The following VPS13D variants were observed in gnomAD, a reference collection of about 807,000 sequenced individuals.
VPS13D encodes vacuolar protein sorting 13 homolog D, also known as intermembrane lipid transfer protein VPS13D.
VPS13D carries 187 observed loss-of-function variants against 461.9 expected under a neutral mutation model. That is an observed-to-expected ratio of 0.40 (90% CI 0.36 to 0.46). The LOEUF (loss-of-function observed/expected upper bound fraction) is 0.46, where lower values mean the gene tolerates loss of function less well. Among genes scored for constraint, VPS13D ranks in the 20% least tolerant of loss-of-function variants. The probability of loss-of-function intolerance (pLI) is 0.60; values close to 1 mark genes in which losing one functional copy is unlikely to be tolerated. For missense variants in VPS13D, 4,711 were observed against 5,364.9 expected, an observed-to-expected ratio of 0.88 and a Z score of 3.81; for synonymous variants, 1,951 against 1,986.3, an observed-to-expected ratio of 0.98 and a Z score of 0.47.
chr1:12,445,813 G>T (rs955183903), intron 65 of VPS13D, among the ~76,000 whole-genome samples: 2 of 152,202 alleles, frequency 1.3e-5, no homozygotes, highest in Non-Finnish European at 2.9e-5. Context: ...AAGTACCTTA[G>T]ATTTGAACTA....
At chr1:12,477,235 T>C (rs917932091) in intron 67 of VPS13D, among the ~76,000 whole-genome samples, 4 of 149,646 alleles carry the variant, frequency 2.7e-5, no homozygotes, top group African/African-American at 7.6e-5. Context: ...CTCTTATACC[T>C]TTGGTTTGTT....
At chr1:12,344,692 T>A (rs564265879) in intron 42 of VPS13D, among the ~76,000 whole-genome samples, 2 of 152,318 alleles carry the variant, frequency 1.3e-5, no homozygotes, top group Non-Finnish European at 2.9e-5. Flanking sequence ...CTTTTTCCCC[T>A]TTTGGCACAC....
intron 38 of VPS13D, among the ~76,000 whole-genome samples, chr1:12,333,856 G>A (rs1411083075): frequency 6.6e-6 from 1 of 152,132 alleles, no homozygotes; most frequent in Non-Finnish European, 1.5e-5. Context: ...AGTATCTTTG[G>A]CAACACTGAA....
rs778306610 is a variant in VPS13D, at chr1:12,386,347, T to G, written c.11634+13T>G. ...ACAGGATGTACAGGTAAGGGGGAAG[T>G]TCCAAAGCTGTTAGTCACCTTGTTT... On this transcript the variant is annotated intron_variant, in intron 60 of 69. Transcript: ENST00000620676. 3.2e-6 allele frequency: 5 copies of G among 1,584,096 alleles called. No homozygotes were observed. Among genetic ancestry groups the G allele is most frequent in the Non-Finnish European group, 4.3e-6 (5 of 1,167,150 alleles).
chr1:12,422,864 T>TTTG, intron 65 of VPS13D, among the ~76,000 whole-genome samples: 1 of 152,212 alleles, frequency 6.6e-6, no homozygotes, highest in Non-Finnish European at 1.5e-5. Flanking sequence ...TTTTTTTTTT[T>TTTG]TCTTACAGGA....
At chr1:12,259,185 G>A (rs1169079578) in intron 10 of VPS13D, among the ~76,000 whole-genome samples, 1 of 151,628 alleles carries the variant, frequency 6.6e-6, no homozygotes, top group Non-Finnish European at 1.5e-5. Flanking sequence ...GGGACTACAG[G>A]CCCGCATCAC....
At chr1:12,428,059 G>A (rs995123510) in intron 65 of VPS13D, among the ~76,000 whole-genome samples, 4 of 152,350 alleles carry the variant, frequency 2.6e-5, no homozygotes, top group African/African-American at 9.6e-5. Context: ...GGCGGAGGAT[G>A]GTAGGGAGAA....
intron 60 of VPS13D, among the ~76,000 whole-genome samples, chr1:12,394,695 C>T (rs1451403680): frequency 6.6e-6 from 1 of 152,138 alleles, no homozygotes; most frequent in Non-Finnish European, 1.5e-5. Context: ...TCCACTCCAC[C>T]ATCCCAGTCT....
Position 12,261,040 on chromosome 1 carries a change from C to G in VPS13D, c.1305C>G (p.Ser435=), listed in dbSNP as rs1401396408. Residue 435 remains serine, a synonymous_variant, in exon 12 of 70, where the codon TCC becomes TCG. Transcript: ENST00000620676. The stretch of plus-strand genomic sequence containing the variant: ...GTGGGATGCTGCAGTATCTCCAGTC[C>G]TGGTTTCCTGGATGGGGTGGCTGGT... ...GGSGMLQYLQ[S]WFPGWGGWYG... is the part of the protein sequence containing the mutation. The G allele has an allele frequency of 5.0e-6, 8 of 1,613,986 alleles. No homozygotes were observed. The highest frequency in any genetic ancestry group is 5.1e-6 in the Non-Finnish European group (6 of 1,180,028).
At chr1:12,413,342 G>A (rs1305276985) in intron 63 of VPS13D, among the ~76,000 whole-genome samples, 1 of 151,990 alleles carries the variant, frequency 6.6e-6, no homozygotes, top group Non-Finnish European at 1.5e-5. Flanking sequence ...AAATCAGCTG[G>A]GCGTGGTGGT....
intron 65 of VPS13D, among the ~76,000 whole-genome samples, chr1:12,424,506 T>C (rs1331304786): frequency 6.6e-6 from 1 of 152,152 alleles, no homozygotes; most frequent in Non-Finnish European, 1.5e-5. Context: ...GAACTGCAAG[T>C]GACCAAAATT....
At chr1:12,467,372 A>G (rs1251100636) in intron 67 of VPS13D, among the ~76,000 whole-genome samples, 1 of 152,128 alleles carries the variant, frequency 6.6e-6, no homozygotes. Flanking sequence ...GGGTTTCACC[A>G]TGTTGGCCAG....
At chr1:12,496,642 G>C (rs577302777) in intron 67 of VPS13D, among the ~76,000 whole-genome samples, 1 of 152,222 alleles carries the variant, frequency 6.6e-6, no homozygotes, top group African/African-American at 2.4e-5. Context: ...ACTCTTATCA[G>C]TCATCTGAAA....
At chr1:12,402,920 T>TG (rs1437765146) in intron 62 of VPS13D, among the ~76,000 whole-genome samples, 3 of 152,198 alleles carry the variant, frequency 2.0e-5, no homozygotes, top group Non-Finnish European at 4.4e-5. Context: ...GCTGATGGGA[T>TG]GGGACAGAGG....
rs1002961033 is a variant in VPS13D, at chr1:12,327,754, A to G, written c.8097A>G (p.Pro2699=). Reference sequence around the variant, plus strand: ...ATAGCCCAGGGGCTGTGGCAGCGCCATTGATCTCTGGCGTGGAGATCAAAG... The same window carrying G: ...ATAGCCCAGGGGCTGTGGCAGCGCCGTTGATCTCTGGCGTGGAGATCAAAG... ...SRDSPGAVAA[P]LISGVEIKAE... is the part of the protein sequence containing the mutation. The change falls in exon 36 of 70, where the codon CCA becomes CCG. Residue 2699 remains proline (P), a synonymous_variant. Coordinates refer to ENST00000620676, the MANE Select transcript of VPS13D (RefSeq NM_015378.4). 3 of 1,613,990 alleles carry G rather than the reference A, an allele frequency of 1.9e-6. No individual in the cohort carries two copies. Among genetic ancestry groups the G allele is most frequent in the Non-Finnish European group, 2.5e-6 (3 of 1,179,972 alleles).
rs187905469 is a variant in VPS13D, at chr1:12,444,798, A to G, written c.12334-11200A>G. On this transcript the variant is annotated intron_variant, in intron 65 of 69. Coordinates refer to ENST00000620676, the MANE Select transcript of VPS13D (RefSeq NM_015378.4). ...CAGTCATTTAGTCCTGTTTTCTTACATATCTGGAAATTTTAATTGAATTCC... is the reference window on the plus strand; with the variant it reads ...CAGTCATTTAGTCCTGTTTTCTTACGTATCTGGAAATTTTAATTGAATTCC... Among the ~76,000 whole-genome samples the G allele has an allele frequency of 2.1e-3, 322 of 152,246 alleles. 1 individual carries two copies. Among genetic ancestry groups the G allele is most frequent in the Non-Finnish European group, 2.5e-3 (167 of 68,042 alleles).
chr1:12,467,266 G>C (rs1027577565), intron 67 of VPS13D, among the ~76,000 whole-genome samples: 2 of 152,298 alleles, frequency 1.3e-5, no homozygotes, highest in Non-Finnish European at 2.9e-5. Context: ...CCACCTCCCG[G>C]GTTCAAGCAG....
chr1:12,316,817 C>G lies in VPS13D; in HGVS notation c.7149-1255C>G, dbSNP rs1490565908. ...ACCCAGAAAACCGCATTCAAGTGCT[C>G]CAGCCCCTGTTTCTCTTGTCCTACT... On this transcript the variant is annotated intron_variant, in intron 30 of 69. Transcript: ENST00000620676. Among the ~76,000 whole-genome samples the G allele has an allele frequency of 2.0e-5, 3 of 151,816 alleles. No individual in the cohort carries two copies. In the East Asian group the frequency reaches 5.8e-4, roughly 30 times the overall value.
chr1:12,299,267 C>T lies in VPS13D; in HGVS notation c.6099C>T (p.Leu2033=). ...LLDIEAGAPV[L]LIPESSRSNN... ...ATATTGAGGCTGGTGCTCCCGTTCT[C>T]TTGATCCCAGAAAGTTCCAGATCAA... is the stretch of plus-strand genomic sequence containing the variant. The change falls in exon 25 of 70, where the codon CTC becomes CTT. Residue 2033 remains leucine (L), a synonymous_variant. Transcript: ENST00000620676. The surrounding 1 kb of genome is among the most constrained non-coding windows in gnomAD (Gnocchi z 4.2). 1 of 1,613,918 alleles carries T rather than the reference C, an allele frequency of 6.2e-7. No individual in the cohort carries two copies. Among genetic ancestry groups the T allele is most frequent in the Non-Finnish European group, 8.5e-7 (1 of 1,179,976 alleles).
Sources: allele counts gnomAD v4.1 joint callset (sites outside exome capture counted in the v4.1 genomes callset), GRCh38; gene constraint gnomAD v4.1.1; non-coding constraint Gnocchi (gnomAD v3.1); transcripts MANE v1.5; gene names NCBI Gene and HGNC (gene_info 2026-07-23, HGNC 2026-07-21).